Variants in KSR1 observed in about 807,000 individuals in gnomAD.
KSR1 encodes the protein kinase suppressor of ras 1.
In KSR1, 35 loss-of-function variants were observed where a neutral mutation model predicts 92.9. The observed-to-expected ratio is 0.38, with a 90% CI of 0.29 to 0.50. The LOEUF is 0.50. Among genes scored for constraint, KSR1 ranks in the 20% least tolerant of loss-of-function variants. The probability of loss-of-function intolerance (pLI) is 0.94; values close to 1 mark genes in which losing one functional copy is unlikely to be tolerated. For missense variants in KSR1, 972 were observed against 1,158.5 expected (o/e 0.84, Z 2.34); for synonymous variants, 467 against 472.6 (o/e 0.99, Z 0.15).
intron 1 of KSR1, among the ~76,000 whole-genome samples, chr17:27,526,050 C>G (rs968997558): frequency 3.7e-4 from 6 of 16,136 alleles, no homozygotes; most frequent in Admixed American, 3.4e-3. Flanking sequence ...TTCTTTCTCT[C>G]TCTCTCTCTC....
rs139684471 is a variant in KSR1 at position 27,485,588 on chromosome 17, T to C, written c.231+28714T>C. On this transcript the variant is annotated intron_variant, in intron 1 of 20. Coordinates refer to ENST00000644974, the MANE Select transcript of KSR1 (RefSeq NM_001394583.1). Reference sequence around the variant, plus strand: ...AGGAAATGCATACAGTTGTTAAAGGTGGGTGGTTTGTCCACCATCAGTGCC... The same window carrying C: ...AGGAAATGCATACAGTTGTTAAAGGCGGGTGGTTTGTCCACCATCAGTGCC... 4.7e-3 allele frequency among the ~76,000 whole-genome samples: 717 copies of C among 152,140 alleles called. 3 individuals are homozygous for C. The highest frequency in any genetic ancestry group is 7.5e-3 in the Non-Finnish European group (513 of 67,958).
At chr17:27,544,704 C>G (rs968830401) in intron 1 of KSR1, among the ~76,000 whole-genome samples, 1 of 152,230 alleles carries the variant, frequency 6.6e-6, no homozygotes, top group African/African-American at 2.4e-5. Context: ...CCTGAAACCC[C>G]AGGTGCTTGT....
At chr17:27,470,605 ACCT>A (rs1044741208) in intron 1 of KSR1, among the ~76,000 whole-genome samples, 1 of 152,016 alleles carries the variant, frequency 6.6e-6, no homozygotes, top group Admixed American at 6.5e-5. Flanking sequence ...CAAATTCCTG[ACCT>A]CAGGTGATCT....
intron 1 of KSR1, among the ~76,000 whole-genome samples, chr17:27,529,112 A>G (rs1004724084): frequency 6.6e-6 from 1 of 152,220 alleles, no homozygotes; most frequent in African/African-American, 2.4e-5. Flanking sequence ...ATTTTGCTAT[A>G]AAAATAGAAA....
chr17:27,464,547 C>T (rs1047564271), intron 1 of KSR1, among the ~76,000 whole-genome samples: 1 of 151,812 alleles, frequency 6.6e-6, no homozygotes, highest in African/African-American at 2.4e-5. Flanking sequence ...ATAGTGAGAC[C>T]CTGTCTCTAC....
At chr17:27,546,889 A>G (rs971048961) in intron 1 of KSR1, among the ~76,000 whole-genome samples, 12 of 152,144 alleles carry the variant, frequency 7.9e-5, no homozygotes, top group Non-Finnish European at 1.6e-4. Flanking sequence ...TAGGACAGCA[A>G]GTAGACTCAG....
chr17:27,611,380 G>A, intron 17 of KSR1, 114 bp from the exon 18 acceptor site: 2 of 1,389,598 alleles, frequency 1.4e-6, no homozygotes, highest in Non-Finnish European at 2.0e-6. Flanking sequence ...CCAAGTGGGT[G>A]AGGAAGGCTG....
intron 1 of KSR1, among the ~76,000 whole-genome samples, chr17:27,464,115 G>T (rs2150905691): frequency 6.6e-6 from 1 of 152,290 alleles, no homozygotes; most frequent in Middle Eastern, 3.4e-3. Context: ...GACTGAGGGT[G>T]AGCCACTCCA....
chr17:27,461,280 C>T (rs1427428948), intron 1 of KSR1, among the ~76,000 whole-genome samples: 14 of 152,074 alleles, frequency 9.2e-5, no homozygotes, highest in Non-Finnish European at 2.1e-4. Context: ...AGGGTTTTGC[C>T]GTGTTGGCCA....
intron 4 of KSR1, among the ~76,000 whole-genome samples, chr17:27,583,404 A>G (rs191527217): frequency 2.0e-5 from 3 of 152,366 alleles, no homozygotes; most frequent in African/African-American, 7.2e-5. Context: ...AAAGGAACAA[A>G]GATTTGTTTC....
chr17:27,542,674 C>T (rs946372753), intron 1 of KSR1, among the ~76,000 whole-genome samples: 2 of 152,172 alleles, frequency 1.3e-5, no homozygotes, highest in African/African-American at 4.8e-5. Context: ...CCAAACGGCA[C>T]CTGCCAAAAG....
chr17:27,581,174 A>G (rs1380552379), intron 3 of KSR1, among the ~76,000 whole-genome samples: 1 of 152,024 alleles, frequency 6.6e-6, no homozygotes, highest in Non-Finnish European at 1.5e-5. Context: ...GCAGGAGCAA[A>G]AGCAAGAGCG....
At chr17:27,476,902 A>C (rs1422202592) in intron 1 of KSR1, among the ~76,000 whole-genome samples, 1 of 152,222 alleles carries the variant, frequency 6.6e-6, no homozygotes, top group Non-Finnish European at 1.5e-5. Context: ...AAGTCCATAG[A>C]GTAAAGTGAA....
At chr17:27,486,393 AC>A (rs1215808948) in intron 1 of KSR1, among the ~76,000 whole-genome samples, 3 of 151,650 alleles carry the variant, frequency 2.0e-5, no homozygotes. Flanking sequence ...AACCCCATCC[AC>A]CCCGCCAAAT....
At chr17:27,545,050 CTG>C (rs2071113030) in intron 1 of KSR1, among the ~76,000 whole-genome samples, 1 of 152,206 alleles carries the variant, frequency 6.6e-6, no homozygotes, top group Non-Finnish European at 1.5e-5. Context: ...CTGCCAGTAG[CTG>C]GGTCGTGCTG....
intron 2 of KSR1, among the ~76,000 whole-genome samples, chr17:27,552,429 T>C (rs1286033563): frequency 6.6e-6 from 1 of 152,216 alleles, no homozygotes; most frequent in Non-Finnish European, 1.5e-5. Context: ...ATGTCTCCAA[T>C]AGCCCAGGGT....
Position 27,597,415 on chromosome 17 carries a change from G to T in KSR1, c.1447G>T (p.Asp483Tyr), listed in dbSNP as rs755009016. The T allele has an allele frequency of 4.3e-5, 69 of 1,608,776 alleles. No individual in the cohort carries two copies. Among genetic ancestry groups the T allele is most frequent in the Non-Finnish European group, 5.6e-5 (66 of 1,176,684 alleles). ...TPPNPSPGQR[D>Y]SRFNFPAAYF... ...CCCCAACCCCTCACCTGGCCAGCGG[G>T]ACAGCAGGTTCAACTTCCCAGGTAC... The change falls in exon 10 of 21, where the codon GAC (aspartate) becomes TAC (tyrosine). Residue 483 changes from aspartate (D) to tyrosine (Y), a missense_variant. Asp to Tyr is a radical substitution (Grantham distance 160, BLOSUM62 -3). Coordinates refer to ENST00000644974, the MANE Select transcript of KSR1 (RefSeq NM_001394583.1).
intron 1 of KSR1, among the ~76,000 whole-genome samples, chr17:27,528,511 G>A (rs1248906107): frequency 6.6e-6 from 1 of 152,130 alleles, no homozygotes; most frequent in African/African-American, 2.4e-5. Flanking sequence ...ATGATGTTCA[G>A]TTCTTTCTCC....
chr17:27,541,881 G>A (rs1163895004), intron 1 of KSR1, among the ~76,000 whole-genome samples: 2 of 152,216 alleles, frequency 1.3e-5, no homozygotes, highest in African/African-American at 2.4e-5. Context: ...GGCTGGACTC[G>A]ATGGCAGGCA....
Sources: gnomAD v4.1 joint callset for allele counts (sites outside exome capture counted in the v4.1 genomes callset) on GRCh38, gnomAD v4.1.1 for gene constraint, MANE v1.5 for transcripts, NCBI Gene and HGNC (gene_info 2026-07-23, HGNC 2026-07-21) for gene names.